The following PLXDC2 variants were observed in gnomAD, a reference collection of about 807,000 sequenced individuals.
PLXDC2 encodes the protein plexin domain containing 2.
Under a neutral mutation model 68.9 loss-of-function variants are expected in PLXDC2, and 40 were observed. The observed-to-expected ratio is 0.58, with a 90% confidence interval of 0.45 to 0.76. The LOEUF (loss-of-function observed/expected upper bound fraction) is 0.76, where lower values mean the gene tolerates loss of function less well. PLXDC2 is among the 30% of genes least tolerant of loss of function. PLXDC2 has a pLI of 0.00. For synonymous variants in PLXDC2, 243 were observed against 234.2 expected (o/e 1.04, Z -0.34); for missense variants, 644 against 661.9 (o/e 0.97, Z 0.30).
chr10:19,825,123 G>A (rs950652506), intron 1 of PLXDC2, among the ~76,000 whole-genome samples: 5 of 152,130 alleles, frequency 3.3e-5, no homozygotes, highest in African/African-American at 1.2e-4. Context: ...TGTGAATTTT[G>A]TCAAGAGAGG....
intron 3 of PLXDC2, among the ~76,000 whole-genome samples, chr10:20,049,132 G>A (rs1282376210): frequency 6.6e-6 from 1 of 152,018 alleles, no homozygotes; most frequent in Non-Finnish European, 1.5e-5. Flanking sequence ...TTAGAAATTG[G>A]TGGAAAAAGC....
intron 12 of PLXDC2, among the ~76,000 whole-genome samples, chr10:20,233,036 A>G (rs1835385899): frequency 6.6e-6 from 1 of 152,176 alleles, no homozygotes. Context: ...TAAAAAGCTT[A>G]TCCTTGGTGA....
chr10:20,041,657 T>G (rs1835685132), intron 2 of PLXDC2, among the ~76,000 whole-genome samples: 1 of 152,164 alleles, frequency 6.6e-6, no homozygotes, highest in Non-Finnish European at 1.5e-5. Flanking sequence ...GTGATGACTT[T>G]TGTCTTGTCA....
At chr10:20,147,008 CT>C (rs58224262) in intron 5 of PLXDC2, among the ~76,000 whole-genome samples, 2 of 152,060 alleles carry the variant, frequency 1.3e-5, no homozygotes, top group African/African-American at 2.4e-5. Context: ...CATTTCTTTT[CT>C]TTTTTTTTAA....
intron 3 of PLXDC2, among the ~76,000 whole-genome samples, chr10:20,048,409 A>C (rs1421266951): frequency 1.3e-5 from 2 of 151,160 alleles, no homozygotes; most frequent in Non-Finnish European, 2.9e-5. Context: ...AGGCAACCCC[A>C]GGTAGGCAAG....
chr10:19,936,503 G>T (rs1356364780), intron 1 of PLXDC2, among the ~76,000 whole-genome samples: 3 of 152,188 alleles, frequency 2.0e-5, no homozygotes, highest in Non-Finnish European at 4.4e-5. Context: ...AAAAACAGGT[G>T]ATGGCTGGAG....
chr10:20,001,321 G>A (rs1036332469), intron 1 of PLXDC2, among the ~76,000 whole-genome samples: 7 of 152,156 alleles, frequency 4.6e-5, no homozygotes, highest in Non-Finnish European at 1.0e-4. Context: ...TTGCTGTCCA[G>A]CATGAAATAA....
At chr10:19,820,427 C>T (rs190013282) in intron 1 of PLXDC2, among the ~76,000 whole-genome samples, 2,317 of 149,948 alleles carry the variant, frequency 0.015, 30 homozygotes, top group Non-Finnish European at 0.024. Context: ...GTCAGGAGAT[C>T]GAGACCATCC....
chr10:19,847,998 C>T (rs1053940419), intron 1 of PLXDC2, among the ~76,000 whole-genome samples: 5 of 152,056 alleles, frequency 3.3e-5, no homozygotes, highest in African/African-American at 9.7e-5. Context: ...AAAATAGTCC[C>T]CTACCCAATG....
At chr10:20,109,622 G>C (rs903110019) in intron 4 of PLXDC2, among the ~76,000 whole-genome samples, 25 of 152,062 alleles carry the variant, frequency 1.6e-4, no homozygotes, top group Admixed American at 1.2e-3. Context: ...TTTTCTATTT[G>C]AAAGCCATCT....
chr10:19,819,031 TACACACACACAC>T lies in PLXDC2; in HGVS notation c.112+1862_112+1873del, dbSNP rs63295361. Among the ~76,000 whole-genome samples, 774 of 147,840 alleles carry T rather than the reference TACACACACACAC, an allele frequency of 5.2e-3. 3 individuals are homozygous for T. The highest frequency in any genetic ancestry group is 5.3e-3 in the Non-Finnish European group (358 of 67,056). ...CGTTACTGAAAAAAGAATATATGTA[TACACACACACAC>T]ACACACACACACACACACACAATAC... On this transcript the variant is annotated intron_variant, in intron 1 of 13. Coordinates refer to ENST00000377252, the MANE Select transcript of PLXDC2 (RefSeq NM_032812.9).
At chr10:20,048,104 A>G (rs1835828870) in intron 3 of PLXDC2, among the ~76,000 whole-genome samples, 1 of 152,172 alleles carries the variant, frequency 6.6e-6, no homozygotes. Context: ...GTCATTATTG[A>G]TATAAACACA....
chr10:20,204,744 C>T (rs1482410284), intron 9 of PLXDC2, among the ~76,000 whole-genome samples: 1 of 152,138 alleles, frequency 6.6e-6, no homozygotes, highest in Non-Finnish European at 1.5e-5. Flanking sequence ...TGTGTTTACA[C>T]ATTTATCTGT....
At position 20,186,331 on chromosome 10, in the gene PLXDC2, A is replaced by G. The variant is rs141305483; in HGVS notation, c.1061+8922A>G. Among the ~76,000 whole-genome samples, 567 of 152,084 alleles carry G rather than the reference A, an allele frequency of 3.7e-3. 1 individual carries two copies. Among genetic ancestry groups the G allele is most frequent in the Non-Finnish European group, 6.5e-3 (439 of 67,918 alleles). On this transcript the variant is annotated intron_variant, in intron 9 of 13. Coordinates refer to ENST00000377252, the MANE Select transcript of PLXDC2 (RefSeq NM_032812.9). ...GTTTGCAGTTAACAACAGTGCATAAATTGCTCATAAGTCTGAAATTGATGA... is the reference window on the plus strand; with the variant it reads ...GTTTGCAGTTAACAACAGTGCATAAGTTGCTCATAAGTCTGAAATTGATGA...
At chr10:20,000,221 G>T (rs1474793507) in intron 1 of PLXDC2, among the ~76,000 whole-genome samples, 1 of 151,822 alleles carries the variant, frequency 6.6e-6, no homozygotes, top group African/African-American at 2.4e-5. Flanking sequence ...AACACTTACT[G>T]TATGGAGGGC....
chr10:20,222,996 G>A (rs1313065376), intron 12 of PLXDC2, among the ~76,000 whole-genome samples: 3 of 152,134 alleles, frequency 2.0e-5, no homozygotes, highest in East Asian at 1.9e-4. Context: ...GGAAGAAGAG[G>A]AGAAGGGACA....
intron 1 of PLXDC2, among the ~76,000 whole-genome samples, chr10:19,919,428 C>T (rs539105832): frequency 1.3e-5 from 2 of 152,256 alleles, no homozygotes; most frequent in African/African-American, 4.8e-5. Context: ...TTGTTGGGAG[C>T]CTGCTGTAAA....
intron 4 of PLXDC2, among the ~76,000 whole-genome samples, chr10:20,124,789 C>T (rs1414304267): frequency 6.6e-6 from 1 of 151,904 alleles, no homozygotes. Flanking sequence ...TTTCACAAGA[C>T]ATTGTCATCA....
chr10:20,179,033 G>T (rs1206880980), intron 9 of PLXDC2, among the ~76,000 whole-genome samples: 1 of 152,052 alleles, frequency 6.6e-6, no homozygotes, highest in Non-Finnish European at 1.5e-5. Context: ...AATCTGTTTA[G>T]ATAACGACAT....
Sources: allele counts gnomAD v4.1 joint callset (sites outside exome capture counted in the v4.1 genomes callset), GRCh38; gene constraint gnomAD v4.1.1; transcripts MANE v1.5; gene names NCBI Gene and HGNC (gene_info 2026-07-23, HGNC 2026-07-21).